The following CFAP92 variants were observed in gnomAD, a reference collection of about 807,000 sequenced individuals.
CFAP92 encodes the protein uncharacterized protein CFAP92.
CFAP92 carries 86 observed loss-of-function variants against 106.3 expected under a neutral mutation model. The ratio of observed to expected loss-of-function variants is 0.81; its 90% CI spans 0.68 to 0.97. The LOEUF is 0.97. Ranked by LOEUF, CFAP92 falls within the 50% of genes least tolerant of loss-of-function variation. The probability of loss-of-function intolerance (pLI) is 0.00; values close to 1 mark genes in which losing one functional copy is unlikely to be tolerated. For missense variants in CFAP92, 1,204 were observed against 1,283.8 expected, an observed-to-expected ratio of 0.94 and a Z score of 0.95; for synonymous variants, 477 against 506.4, an observed-to-expected ratio of 0.94 and a Z score of 0.78.
the CFAP92 span, among the ~76,000 whole-genome samples, chr3:129,021,703 G>T: frequency 3.3e-5 from 5 of 152,314 alleles, no homozygotes; most frequent in East Asian, 9.6e-4. Context: ...TATAGGGAAA[G>T]ATTATCAACA....
At chr3:128,956,207 T>TAAAAAAAAAAAAAAAAAAAAAAA (rs1256391409) in intron 9 of CFAP92, among the ~76,000 whole-genome samples, 32 of 53,072 alleles carry the variant, frequency 6.0e-4, no homozygotes, top group African/African-American at 1.1e-3. Context: ...AAAAAAAAAA[T>TAAAAAAAAAAAAAAAAAAAAAAA]AAAAAAATAA....
chr3:128,925,476 T>C (rs185680562), intron 12 of CFAP92, among the ~76,000 whole-genome samples: 8 of 152,154 alleles, frequency 5.3e-5, no homozygotes, highest in Admixed American at 2.6e-4. Flanking sequence ...TCAGAAGATA[T>C]ATTGGTTGAA....
chr3:128,945,187 C>T lies in CFAP92; in HGVS notation c.2142G>A (p.Gln714=), dbSNP rs561284283. The T allele has an allele frequency of 3.9e-6, 6 of 1,536,184 alleles. No homozygotes were observed. The African/African-American group carries it at 5.5e-5, about 14-fold the overall frequency. ...AGCCAGTGAGCACATCCAGGTGCTGCTGCTCCTGGACCCGCACACGCACCT... is the reference window on the plus strand; with the variant it reads ...AGCCAGTGAGCACATCCAGGTGCTGTTGCTCCTGGACCCGCACACGCACCT... The part of the protein sequence containing the change: ...AFKVRVRVQE[Q]QHLDVLTGFH... Residue 714 remains glutamine, a synonymous_variant, in exon 10 of 16, where the codon CAG becomes CAA. Transcript: ENST00000645291.
rs1434047115 is a variant in CFAP92 at position 128,935,248 on chromosome 3, T to C, written c.2330A>G (p.Tyr777Cys). Reference sequence around the variant, plus strand: ...GTACAGGATGGCCTCCAGGTCCCCATAGAGCCGGCTGCGGAACAGCAGCTG... The same window carrying C: ...GTACAGGATGGCCTCCAGGTCCCCACAGAGCCGGCTGCGGAACAGCAGCTG... ...NSQLLFRSRL[Y>C]GDLEAILYHV... Residue 777 changes from tyrosine to cysteine, a missense_variant, in exon 11 of 16, where the codon TAT (tyrosine) becomes TGT (cysteine). Coordinates refer to ENST00000645291, the MANE Select transcript of CFAP92 (RefSeq NM_001394090.1). The C allele has an allele frequency of 2.0e-6, 3 of 1,535,984 alleles. No homozygotes were observed. Among genetic ancestry groups the C allele is most frequent in the Non-Finnish European group, 1.7e-6 (2 of 1,146,810 alleles).
At chr3:128,955,012 A>G (rs1576504906) in intron 9 of CFAP92, among the ~76,000 whole-genome samples, 1 of 22,094 alleles carries the variant, frequency 4.5e-5, no homozygotes, top group Non-Finnish European at 6.7e-5. Flanking sequence ...CCGGGAGGTG[A>G]GGGGCGCCTC....
rs968230486 is a variant in CFAP92, at chr3:128,945,965, A to G, written c.1364T>C (p.Met455Thr). The G allele has an allele frequency of 1.3e-5, 18 of 1,438,886 alleles. No homozygotes were observed. Among genetic ancestry groups the G allele is most frequent in the Non-Finnish European group, 1.5e-5 (16 of 1,102,148 alleles). 89.1% of individuals were successfully genotyped at this position (1,438,886 alleles called of 1,614,324 possible). A position where few individuals can be genotyped will look rare whatever the true frequency, so the allele number is the denominator to read the frequency against. Residue 455 changes from methionine to threonine, a missense_variant, in exon 10 of 16, where the codon ATG becomes ACG. Coordinates refer to ENST00000645291, the MANE Select transcript of CFAP92 (RefSeq NM_001394090.1). ...VPIQELERLC[M>T]PVYCKYQFHK... ...GAACTGGTACTTGCAGTACACAGGC[A>G]TGCACAGCCTCTACGAGAGAGCAGG...
At chr3:128,966,450 C>T (rs1044412745) in intron 8 of CFAP92, 1 of 152,250 alleles carries the variant, frequency 6.6e-6, no homozygotes, top group Non-Finnish European at 1.5e-5. Context: ...GAGCCAAATA[C>T]AAGCGTGCAT....
chr3:128,929,349 G>A (rs76280393), intron 12 of CFAP92, among the ~76,000 whole-genome samples: 7,274 of 152,114 alleles, frequency 0.048, 357 homozygotes, highest in African/African-American at 0.12. Flanking sequence ...TGTAAAAACC[G>A]CTTTTCTTAC....
chr3:128,968,902 G>T, intron 8 of CFAP92: 1 of 159,450 alleles, frequency 6.3e-6, no homozygotes, highest in Non-Finnish European at 1.4e-5. Flanking sequence ...TCAGGCCTCT[G>T]AGCCCAAGCT....
chr3:128,958,274 G>A (rs139507710), intron 9 of CFAP92, among the ~76,000 whole-genome samples: 3 of 152,322 alleles, frequency 2.0e-5, no homozygotes, highest in African/African-American at 7.2e-5. Flanking sequence ...GCAAATTAGT[G>A]GTTAGGGATG....
In CFAP92 at chr3:128,932,866, T is replaced by C; in HGVS notation, c.2585A>G (p.Asp862Gly). Residue 862 changes from aspartate to glycine, a missense_variant, in exon 12 of 16, where the codon GAT becomes GGT. Coordinates refer to ENST00000645291, the MANE Select transcript of CFAP92 (RefSeq NM_001394090.1). The stretch of plus-strand genomic sequence containing the variant: ...AGGTGGTAGGGCAAACAGTTTCTCA[T>C]CTGTGAGTTCTTCTTGCGAAAGGGG... ...GMPLSQEELT[D>G]EKLFALPPQP... 1 of 1,536,178 alleles carries C rather than the reference T, an allele frequency of 6.5e-7. No individual in the cohort carries two copies. The highest frequency in any genetic ancestry group is 8.7e-7 in the Non-Finnish European group (1 of 1,146,900).
At chr3:128,961,154 G>A (rs1301696104) in intron 9 of CFAP92, among the ~76,000 whole-genome samples, 2 of 152,140 alleles carry the variant, frequency 1.3e-5, no homozygotes, top group Non-Finnish European at 2.9e-5. Flanking sequence ...GCCAGAAAAT[G>A]GCACTTTAAA....
At chr3:128,956,207 T>TAAAAAAAAAAAAAAAAAAAAAAAAA (rs1256391409) in intron 9 of CFAP92, among the ~76,000 whole-genome samples, 1 of 53,220 alleles carries the variant, frequency 1.9e-5, no homozygotes, top group Non-Finnish European at 3.3e-5. Context: ...AAAAAAAAAA[T>TAAAAAAAAAAAAAAAAAAAAAAAAA]AAAAAAATAA....
At position 128,978,121 on chromosome 3, in the gene CFAP92, A is replaced by G. The variant is rs778539642; in HGVS notation, c.732T>C (p.Ile244=). ...LSEQGIENTN[I]VREESNQEHP... ...GTTCCTGGTTCGACTCTTCTCTGAC[A>G]ATGTTGGTATTCTCAATGCCCTGTT... Residue 244 remains isoleucine, a synonymous_variant, in exon 5 of 16, where the codon ATT becomes ATC. Transcript: ENST00000645291. 6.2e-7 allele frequency: 1 copy of G among 1,613,908 alleles called. No individual in the cohort carries two copies. Among genetic ancestry groups the G allele is most frequent in the Non-Finnish European group, 8.5e-7 (1 of 1,179,864 alleles).
chr3:128,910,662 C>CTGATTGAT (rs3830293), intron 15 of CFAP92: 1 of 1,503,286 alleles, frequency 6.7e-7, no homozygotes, highest in African/African-American at 1.4e-5. Context: ...CCCAGTTTGG[C>CTGATTGAT]TGATAGGCTG....
chr3:128,997,671 T>C (rs568132203), upstream of CFAP92, among the ~76,000 whole-genome samples: 12 of 152,382 alleles, frequency 7.9e-5, no homozygotes, highest in South Asian at 2.5e-3. Flanking sequence ...AATAATATTC[T>C]ATTGTATGGA....
chr3:128,959,370 G>C (rs928333569), intron 9 of CFAP92, among the ~76,000 whole-genome samples: 1 of 152,084 alleles, frequency 6.6e-6, no homozygotes, highest in Non-Finnish European at 1.5e-5. Flanking sequence ...TTTTAGCCTA[G>C]AATTCTATAT....
chr3:128,916,369 T>G, intron 12 of CFAP92, 98 bp from the exon 13 acceptor site: 1 of 826,906 alleles, frequency 1.2e-6, no homozygotes. Flanking sequence ...TTAGCTGTGG[T>G]GCAGGTATTG....
At chr3:128,994,170 G>C, upstream of CFAP92, 2 of 985,368 alleles carry the variant, frequency 2.0e-6, no homozygotes, top group Non-Finnish European at 2.4e-6. Flanking sequence ...TGCGGCCTGG[G>C]GGCGGGGCTC....
Sources: allele counts gnomAD v4.1 joint callset (sites outside exome capture counted in the v4.1 genomes callset), GRCh38; gene constraint gnomAD v4.1.1; transcripts MANE v1.5; gene names NCBI Gene and HGNC (gene_info 2026-07-23, HGNC 2026-07-21).